Variants in RBFOX1 observed in about 807,000 individuals in gnomAD.
RBFOX1 encodes the protein RNA binding fox-1 homolog 1.
Under a neutral mutation model 57.7 loss-of-function variants are expected in RBFOX1, and 8 were observed. The observed-to-expected ratio is 0.14, with a 90% CI of 0.08 to 0.25. The LOEUF (loss-of-function observed/expected upper bound fraction) is 0.25, where lower values mean the gene tolerates loss of function less well. RBFOX1 is among the 10% of genes least tolerant of loss of function. The pLI is 1.00. For synonymous variants in RBFOX1, 326 were observed against 222.4 expected, an observed-to-expected ratio of 1.47 and a Z score of -4.15; for missense variants, 611 against 548.5, an observed-to-expected ratio of 1.11 and a Z score of -1.14.
chr16:5,867,475 T>C, intron 4 of RBFOX1: 1 of 561,800 alleles, frequency 1.8e-6, no homozygotes, highest in East Asian at 3.5e-5. Flanking sequence ...TTCAGTTGAG[T>C]GGTTTCTGTG....
intron 2 of RBFOX1, among the ~76,000 whole-genome samples, chr16:6,492,976 G>T (rs756093891): frequency 6.6e-6 from 1 of 152,180 alleles, no homozygotes; most frequent in South Asian, 2.1e-4. Context: ...ACTAAGAGAG[G>T]GGCAGGGAAG....
intron 4 of RBFOX1, among the ~76,000 whole-genome samples, chr16:7,419,739 G>C (rs769121901): frequency 7.9e-5 from 12 of 152,132 alleles, no homozygotes; most frequent in Non-Finnish European, 1.5e-4. Context: ...CATTTTGCAA[G>C]ACTGTTAATT....
At chr16:6,558,875 G>A (rs760775289) in intron 2 of RBFOX1, among the ~76,000 whole-genome samples, 13 of 151,320 alleles carry the variant, frequency 8.6e-5, no homozygotes, top group Non-Finnish European at 1.3e-4. Flanking sequence ...TGAGTGGGAC[G>A]TTGTGAGCAT....
At chr16:7,091,291 G>A (rs913457726) in intron 4 of RBFOX1, among the ~76,000 whole-genome samples, 1 of 148,352 alleles carries the variant, frequency 6.7e-6, no homozygotes, top group Non-Finnish European at 1.5e-5. Context: ...TTACAAATTT[G>A]GTGTTCCATT....
chr16:7,282,941 C>T (rs950072317), intron 4 of RBFOX1, among the ~76,000 whole-genome samples: 5 of 152,284 alleles, frequency 3.3e-5, no homozygotes, highest in African/African-American at 9.6e-5. Context: ...AGTAGTCCAT[C>T]ATGTGTGTGT....
intron 2 of RBFOX1, among the ~76,000 whole-genome samples, chr16:6,616,415 G>A (rs956350479): frequency 1.3e-5 from 2 of 151,048 alleles, no homozygotes; most frequent in Non-Finnish European, 2.9e-5. Flanking sequence ...GATGGCTCAC[G>A]CCTGTAATCC....
intron 1 of RBFOX1, among the ~76,000 whole-genome samples, chr16:5,438,020 G>C (rs999609261): frequency 6.6e-6 from 1 of 152,172 alleles, no homozygotes; most frequent in African/African-American, 2.4e-5. Flanking sequence ...GAGTAAAAGG[G>C]TTCAGATGAA....
intron 3 of RBFOX1, among the ~76,000 whole-genome samples, chr16:5,803,226 A>T (rs1216518746): frequency 6.6e-6 from 1 of 152,152 alleles, no homozygotes; most frequent in East Asian, 1.9e-4. Flanking sequence ...CCCCGTGAGT[A>T]TGTCAGCATC....
At chr16:6,654,961 A>G (rs146665407) in intron 3 of RBFOX1, among the ~76,000 whole-genome samples, 7 of 150,882 alleles carry the variant, frequency 4.6e-5, no homozygotes, top group African/African-American at 1.7e-4. Context: ...TTGAATATTG[A>G]TGTTGACGTT....
intron 1 of RBFOX1, among the ~76,000 whole-genome samples, chr16:6,145,352 C>A (rs1214110900): frequency 2.0e-5 from 3 of 152,092 alleles, no homozygotes; most frequent in Admixed American, 6.6e-5. Context: ...CATGTCCCTG[C>A]AAAAGACACA....
chr16:7,317,523 C>A (rs948422632), intron 4 of RBFOX1, among the ~76,000 whole-genome samples: 3 of 152,280 alleles, frequency 2.0e-5, no homozygotes, highest in African/African-American at 7.2e-5. Flanking sequence ...CAACTGGTCT[C>A]ATGTATGAGT....
At chr16:6,450,790 C>CACAT (rs1414130750) in intron 2 of RBFOX1, among the ~76,000 whole-genome samples, 1 of 35,146 alleles carries the variant, frequency 2.8e-5, no homozygotes, top group African/African-American at 1.3e-4. Context: ...TATATATATA[C>CACAT]ATATATATAT....
chr16:5,653,145 C>T (rs1179978557), intron 3 of RBFOX1, among the ~76,000 whole-genome samples: 1 of 150,330 alleles, frequency 6.7e-6, no homozygotes, highest in African/African-American at 2.5e-5. Context: ...TGCTGGCCTT[C>T]TGTGCGGAAG....
chr16:7,042,662 G>T (rs972685452), intron 3 of RBFOX1, among the ~76,000 whole-genome samples: 2 of 152,166 alleles, frequency 1.3e-5, no homozygotes, highest in Non-Finnish European at 2.9e-5. Context: ...GCAGTGGCTT[G>T]CGCCTGTAAT....
At chr16:5,782,830 A>G (rs1225352227) in intron 3 of RBFOX1, among the ~76,000 whole-genome samples, 2 of 152,218 alleles carry the variant, frequency 1.3e-5, no homozygotes, top group Non-Finnish European at 2.9e-5. Context: ...TGTAAATCCC[A>G]GTTGGAGGGT....
chr16:6,816,770 G>A (rs971181699), intron 3 of RBFOX1, among the ~76,000 whole-genome samples: 10 of 151,378 alleles, frequency 6.6e-5, no homozygotes, highest in Non-Finnish European at 1.0e-4. Flanking sequence ...AAAGAAACAG[G>A]GTGTTGTTCT....
rs2079345509 is a variant in RBFOX1, at chr16:6,945,597, T to C, written c.-15-106460T>C. 2.0e-5 allele frequency among the ~76,000 whole-genome samples: 3 copies of C among 152,084 alleles called. No homozygotes were observed. The South Asian group carries it at 6.2e-4, about 32-fold the overall frequency. ...TTTGATGTTTATTTTTGTATCAGAATCCGCTGGTGCTGGCTAGGCTCGGTG... is the reference window on the plus strand; with the variant it reads ...TTTGATGTTTATTTTTGTATCAGAACCCGCTGGTGCTGGCTAGGCTCGGTG... On this transcript the variant is annotated intron_variant, in intron 3 of 15. Transcript: ENST00000550418.
intron 4 of RBFOX1, among the ~76,000 whole-genome samples, chr16:5,878,526 C>G (rs3859168): frequency 0.042 from 6,418 of 152,248 alleles, 199 homozygotes; most frequent in Non-Finnish European, 0.065. Context: ...GGGAAGCAGG[C>G]TTGAAAACCC....
chr16:5,846,865 G>A (rs571989046), intron 3 of RBFOX1, among the ~76,000 whole-genome samples: 2 of 152,308 alleles, frequency 1.3e-5, no homozygotes, highest in South Asian at 4.1e-4. Flanking sequence ...CAGCTGCGGA[G>A]AAGGACACAT....
Sources: allele counts gnomAD v4.1 joint callset (sites outside exome capture counted in the v4.1 genomes callset), GRCh38; gene constraint gnomAD v4.1.1; transcripts MANE v1.5; gene names NCBI Gene and HGNC (gene_info 2026-07-23, HGNC 2026-07-21).